RAP1GAP: variants seen among roughly 807,000 people sequenced by gnomAD.
RAP1GAP encodes the protein RAP1 GTPase activating protein.
RAP1GAP carries 35 observed loss-of-function variants against 87.2 expected under a neutral mutation model. The ratio of observed to expected loss-of-function variants is 0.40; its 90% CI spans 0.31 to 0.53. The LOEUF (loss-of-function observed/expected upper bound fraction) is 0.53. Among genes scored for constraint, RAP1GAP ranks in the 20% least tolerant of loss-of-function variants. The pLI is 0.48. For synonymous variants in RAP1GAP, 375 were observed against 363.9 expected, an observed-to-expected ratio of 1.03 and a Z score of -0.35; for missense variants, 734 against 898.9, an observed-to-expected ratio of 0.82 and a Z score of 2.35.
At chr1:21,617,529 A>T in intron 6 of RAP1GAP, 38 bp from the exon 7 acceptor site, 1 of 1,558,480 alleles carries the variant, frequency 6.4e-7, no homozygotes, top group East Asian at 2.4e-5. Flanking sequence ...CCCACACTGT[A>T]CCCCACTGGG....
intron 3 of RAP1GAP, 144 bp from the exon 4 acceptor site, chr1:21,620,194 C>T: frequency 2.4e-6 from 2 of 821,240 alleles, no homozygotes; most frequent in Non-Finnish European, 2.0e-6. Flanking sequence ...GTGACGGGAG[C>T]ATCGTGGGAG....
At chr1:21,608,703 T>C (rs1195035387) in intron 16 of RAP1GAP, 147 bp downstream of exon 16, 14 of 774,484 alleles carry the variant, frequency 1.8e-5, no homozygotes, top group Non-Finnish European at 2.1e-6. Flanking sequence ...CTCCCCGACC[T>C]CCTACTCGTC....
intron 1 of RAP1GAP, among the ~76,000 whole-genome samples, chr1:21,660,746 A>G (rs2097125031): frequency 6.6e-6 from 1 of 152,180 alleles, no homozygotes; most frequent in Non-Finnish European, 1.5e-5. Context: ...TGATGCACAC[A>G]GACACCTTAG....
At chr1:21,655,645 G>T (rs1469340141) in intron 1 of RAP1GAP, among the ~76,000 whole-genome samples, 1 of 152,226 alleles carries the variant, frequency 6.6e-6, no homozygotes, top group Non-Finnish European at 1.5e-5. Flanking sequence ...GTGCCAGGCT[G>T]CTTTCCAGGG....
intron 5 of RAP1GAP, 97 bp from the exon 6 acceptor site, chr1:21,618,069 C>T (rs953440597): frequency 1.8e-5 from 26 of 1,450,876 alleles, no homozygotes; most frequent in African/African-American, 5.6e-5. Flanking sequence ...GCTGAGAGTG[C>T]GGATGGGGCC....
chr1:21,609,975 G>T lies in RAP1GAP; in HGVS notation c.999+145C>A. 9.8e-7 allele frequency: 1 copy of T among 1,021,500 alleles called. No individual in the cohort carries two copies. Among genetic ancestry groups the T allele is most frequent in the Non-Finnish European group, 1.4e-6 (1 of 719,516 alleles). 63.3% of individuals were successfully genotyped at this position (1,021,500 alleles called of 1,614,324 possible). On this transcript the variant is annotated intron_variant, in intron 14 of 24. Transcript: ENST00000374765. The surrounding 1 kb of genome is among the most constrained non-coding windows in gnomAD (Gnocchi z 4.4). Reference sequence around the variant, plus strand: ...GTGAGCTTTGGGGACGACAGGGGGCGTGGTGTGAACAGTGCACCATTGAAG... The same window carrying T: ...GTGAGCTTTGGGGACGACAGGGGGCTTGGTGTGAACAGTGCACCATTGAAG...
At chr1:21,652,199 CG>C (rs1216130618) in intron 1 of RAP1GAP, among the ~76,000 whole-genome samples, 3 of 150,468 alleles carry the variant, frequency 2.0e-5, no homozygotes, top group Non-Finnish European at 3.0e-5. Context: ...CGCTCCTCGG[CG>C]GATCCGTCCC....
At chr1:21,664,497 C>A (rs957696943) in intron 1 of RAP1GAP, among the ~76,000 whole-genome samples, 2 of 152,160 alleles carry the variant, frequency 1.3e-5, no homozygotes, top group African/African-American at 2.4e-5. Flanking sequence ...TCCACATTGC[C>A]ACCCCCAGCC....
At chr1:21,610,592 T>A (rs1187554781) in intron 13 of RAP1GAP, among the ~76,000 whole-genome samples, 1 of 152,178 alleles carries the variant, frequency 6.6e-6, no homozygotes, top group Non-Finnish European at 1.5e-5. Flanking sequence ...TTATTTTAGT[T>A]TTCTTGGGAT....
chr1:21,622,492 G>T lies in RAP1GAP; in HGVS notation c.-18-2442C>A. ...CCGGCTCCTGGCCCGCGCGCGCCCG[G>T]GTCCGGGCCCCGCAGCGCTGAGCTC... On this transcript the variant is annotated intron_variant, in intron 3 of 24. Transcript: ENST00000374765. The surrounding 1 kb of genome is among the most constrained non-coding windows in gnomAD (Gnocchi z 5.7). 6.4e-6 allele frequency: 1 copy of T among 156,040 alleles called. No individual in the cohort carries two copies. Among genetic ancestry groups the T allele is most frequent in the South Asian group, 2.0e-4 (1 of 5,010 alleles). 9.7% of individuals were successfully genotyped at this position (156,040 alleles called of 1,614,324 possible).
At chr1:21,654,295 T>G (rs1043186887) in intron 1 of RAP1GAP, among the ~76,000 whole-genome samples, 4 of 152,228 alleles carry the variant, frequency 2.6e-5, no homozygotes, top group African/African-American at 9.6e-5. Context: ...CAATGGACAT[T>G]GAGGCATGTG....
chr1:21,669,162 C>A lies in RAP1GAP; in HGVS notation c.-149+92G>T. On this transcript the variant is annotated intron_variant, in intron 1 of 24. Transcript: ENST00000374765. This position sits in a 1 kb window ranked among gnomAD's most constrained non-coding sequence, Gnocchi z 5.6. ...CCCCCACCCTCCGTCCCCGCCCGCC[C>A]GCGCGGGGTCTTCGCTGCGAGCCGA... 5.9e-6 allele frequency: 7 copies of A among 1,193,284 alleles called. No individual in the cohort carries two copies. The highest frequency in any genetic ancestry group is 7.4e-6 in the Non-Finnish European group (7 of 946,164). 73.9% of individuals were successfully genotyped at this position (1,193,284 alleles called of 1,614,324 possible).
At position 21,599,510 on chromosome 1, in the gene RAP1GAP, C is replaced by G; in HGVS notation, c.1760G>C (p.Gly587Ala). 1 of 1,609,352 alleles carries G rather than the reference C, an allele frequency of 6.2e-7. No individual in the cohort carries two copies. The highest frequency in any genetic ancestry group is 8.5e-7 in the Non-Finnish European group (1 of 1,179,948). The change falls in exon 21 of 25, where the codon GGA becomes GCA. Residue 587 changes from glycine (G) to alanine (A), a missense_variant. Around this residue, in one of 2 missense-constraint regions of RAP1GAP, gnomAD observed 249 missense variants for 252.7 expected, o/e 0.99. Transcript: ENST00000374765. ...GCCTCTCACCAGGCCTGTGTCCTCT[C>G]CGTCCACACCCTCCGTCTCCTCCAC... is the stretch of plus-strand genomic sequence containing the variant. ...SVVEETEGVDGEDTGLESVSS... is the reference protein window; with the variant it reads ...SVVEETEGVDAEDTGLESVSS...
intron 1 of RAP1GAP, among the ~76,000 whole-genome samples, chr1:21,653,546 T>C (rs979927463): frequency 1.1e-5 from 1 of 94,032 alleles, no homozygotes; most frequent in Non-Finnish European, 2.1e-5. Flanking sequence ...GGGAGGAACT[T>C]CCTTCCTTCC....
At position 21,613,934 on chromosome 1, in the gene RAP1GAP, T is replaced by C; in HGVS notation, c.395+52A>G. ...GGGTCAAATGAGATGGGCTCTGAGA[T>C]TGTAAGACCTCAGCCCTTCCTGCCA... On this transcript the variant is annotated intron_variant, in intron 8 of 24. Coordinates refer to ENST00000374765, the MANE Select transcript of RAP1GAP (RefSeq NM_002885.4). The surrounding 1 kb of genome is among the most constrained non-coding windows in gnomAD (Gnocchi z 4.7). 1 of 1,411,476 alleles carries C rather than the reference T, an allele frequency of 7.1e-7. No homozygotes were observed. Among genetic ancestry groups the C allele is most frequent in the Non-Finnish European group, 9.8e-7 (1 of 1,015,466 alleles). The allele number at this position is 1,411,476 out of a possible 1,614,324, so 87.4% of individuals were successfully genotyped here. A position where few individuals can be genotyped will look rare whatever the true frequency, so the allele number is the denominator to read the frequency against.
chr1:21,667,237 G>A (rs964815798), intron 1 of RAP1GAP, among the ~76,000 whole-genome samples: 1 of 152,230 alleles, frequency 6.6e-6, no homozygotes, highest in African/African-American at 2.4e-5. Flanking sequence ...CAGGGCAGGG[G>A]CAGGGCCAGG....
chr1:21,599,644 G>A (rs1260911123), intron 20 of RAP1GAP, 27 bp from the exon 21 acceptor site: 9 of 1,591,234 alleles, frequency 5.7e-6, no homozygotes, highest in South Asian at 3.3e-5. Flanking sequence ...CCCATTAGCC[G>A]GTGTCCACCC....
intron 1 of RAP1GAP, among the ~76,000 whole-genome samples, chr1:21,656,985 C>T (rs1170346465): frequency 6.6e-6 from 1 of 152,244 alleles, no homozygotes; most frequent in Non-Finnish European, 1.5e-5. Flanking sequence ...TGAGCACCCA[C>T]TGTGTGGCTG....
At chr1:21,645,179 T>C (rs575079901) in intron 2 of RAP1GAP, among the ~76,000 whole-genome samples, 1 of 152,340 alleles carries the variant, frequency 6.6e-6, no homozygotes, top group South Asian at 2.1e-4. Flanking sequence ...GAATAAATGA[T>C]GAACAAATGA....
Sources: gnomAD v4.1 joint callset for allele counts (sites outside exome capture counted in the v4.1 genomes callset) on GRCh38, gnomAD v4.1.1 for gene constraint, gnomAD v4.1.1 regional missense constraint, Gnocchi (gnomAD v3.1) non-coding constraint, MANE v1.5 for transcripts, NCBI Gene and HGNC (gene_info 2026-07-23, HGNC 2026-07-21) for gene names.